LYPLAL1: variants seen among roughly 807,000 people sequenced by gnomAD.
The protein encoded by LYPLAL1 is lysophospholipase-like protein 1.
LYPLAL1 carries 23 observed loss-of-function variants against 19.7 expected under a neutral mutation model. The observed-to-expected ratio is 1.17, with a 90% CI of 0.84 to 1.65. The LOEUF (loss-of-function observed/expected upper bound fraction) is 1.65, where lower values mean the gene tolerates loss of function less well. Among genes scored for constraint, LYPLAL1 ranks in the 40% most tolerant of loss-of-function variants. LYPLAL1 has a pLI of 0.00. For synonymous variants in LYPLAL1, 119 were observed against 96.3 expected (o/e 1.24, Z -1.38); for missense variants, 355 against 279.4 (o/e 1.27, Z -1.93).
At chr1:219,235,851 G>A in the LYPLAL1 span, among the ~76,000 whole-genome samples, 1 of 152,170 alleles carries the variant, frequency 6.6e-6, no homozygotes, top group Non-Finnish European at 1.5e-5. Flanking sequence ...AGTTGACCTT[G>A]TGAAGTTCCA....
chr1:219,243,188 C>A, the LYPLAL1 span, among the ~76,000 whole-genome samples: 1 of 152,010 alleles, frequency 6.6e-6, no homozygotes, highest in Admixed American at 6.6e-5. Context: ...GGTGGCTTTA[C>A]CAACAGAATG....
chr1:219,398,383 A>G, the LYPLAL1 span, among the ~76,000 whole-genome samples: 7 of 152,120 alleles, frequency 4.6e-5, no homozygotes, highest in Admixed American at 3.3e-4. Flanking sequence ...AATTCTTGCC[A>G]TGAGTTTTTT....
At chr1:219,428,364 C>T in the LYPLAL1 span, among the ~76,000 whole-genome samples, 17 of 152,242 alleles carry the variant, frequency 1.1e-4, no homozygotes, top group East Asian at 7.7e-4. Context: ...TTTTCAAAAC[C>T]GAAAGTTTGT....
the LYPLAL1 span, among the ~76,000 whole-genome samples, chr1:219,283,073 T>A: frequency 6.6e-6 from 1 of 152,074 alleles, no homozygotes; most frequent in Non-Finnish European, 1.5e-5. Context: ...CATGATGAAA[T>A]GTTTGGAAAA....
the LYPLAL1 span, among the ~76,000 whole-genome samples, chr1:219,244,991 T>C: frequency 6.6e-6 from 1 of 151,354 alleles, no homozygotes; most frequent in Non-Finnish European, 1.5e-5. Context: ...CTTTTTTCCT[T>C]GCTTCTTTAT....
the LYPLAL1 span, among the ~76,000 whole-genome samples, chr1:219,334,379 C>T: frequency 2.0e-5 from 3 of 151,948 alleles, no homozygotes; most frequent in African/African-American, 7.2e-5. Context: ...TATTTGCCCT[C>T]CCCTAATACT....
the LYPLAL1 span, among the ~76,000 whole-genome samples, chr1:219,362,142 A>G: frequency 6.6e-6 from 1 of 152,154 alleles, no homozygotes; most frequent in Non-Finnish European, 1.5e-5. Context: ...AAAGATGTGA[A>G]ACAACTTGTC....
the LYPLAL1 span, among the ~76,000 whole-genome samples, chr1:219,423,967 A>C: frequency 6.6e-6 from 1 of 150,664 alleles, no homozygotes. Flanking sequence ...ACTATATTAT[A>C]AATGCAGTGT....
At chr1:219,444,225 T>C in the LYPLAL1 span, among the ~76,000 whole-genome samples, 8 of 152,220 alleles carry the variant, frequency 5.3e-5, no homozygotes, top group Admixed American at 1.3e-4. Context: ...ATTTGCATAT[T>C]TACATCAAAC....
the LYPLAL1 span, among the ~76,000 whole-genome samples, chr1:219,384,422 T>C: frequency 6.6e-6 from 1 of 152,242 alleles, no homozygotes; most frequent in Non-Finnish European, 1.5e-5. Flanking sequence ...GATACCTCTG[T>C]TGGCAATCAA....
chr1:219,323,011 T>A, the LYPLAL1 span, among the ~76,000 whole-genome samples: 5 of 152,198 alleles, frequency 3.3e-5, no homozygotes, highest in Non-Finnish European at 5.9e-5. Context: ...TCAAAGATAC[T>A]TGTGAAATCC....
At chr1:219,355,420 A>G in the LYPLAL1 span, among the ~76,000 whole-genome samples, 1 of 152,222 alleles carries the variant, frequency 6.6e-6, no homozygotes, top group African/African-American at 2.4e-5. Flanking sequence ...AGAAGAGATA[A>G]AGTAAATAAA....
the LYPLAL1 span, among the ~76,000 whole-genome samples, chr1:219,393,563 T>C: frequency 2.6e-5 from 4 of 152,150 alleles, no homozygotes; most frequent in African/African-American, 9.7e-5. Context: ...TTAGCCTGGC[T>C]TTGCTTTCTC....
At chr1:219,270,602 A>G in the LYPLAL1 span, among the ~76,000 whole-genome samples, 17 of 152,180 alleles carry the variant, frequency 1.1e-4, no homozygotes, top group African/African-American at 3.1e-4. Flanking sequence ...GGTGACAAAG[A>G]AAAAGGAAGA....
At chr1:219,174,894 A>G (rs1655683685) in intron 1 of LYPLAL1, 1 of 985,412 alleles carries the variant, frequency 1.0e-6, no homozygotes, top group Non-Finnish European at 1.2e-6. Context: ...GAAGATCACA[A>G]GACGGTGCAT....
At chr1:219,269,993 G>C in the LYPLAL1 span, among the ~76,000 whole-genome samples, 1,080 of 152,282 alleles carry the variant, frequency 7.1e-3, 10 homozygotes, top group Non-Finnish European at 0.01. Context: ...ACTTGATTGA[G>C]AGTTCAAGTC....
chr1:219,400,555 G>C, the LYPLAL1 span, among the ~76,000 whole-genome samples: 9 of 151,526 alleles, frequency 5.9e-5, no homozygotes, highest in African/African-American at 2.2e-4. Flanking sequence ...GAATGCAGTG[G>C]AACGATCTCA....
At chr1:219,287,748 G>T in the LYPLAL1 span, among the ~76,000 whole-genome samples, 1 of 152,308 alleles carries the variant, frequency 6.6e-6, no homozygotes, top group African/African-American at 2.4e-5. Flanking sequence ...CCCAAATCTC[G>T]TGTCGAACTG....
chr1:219,369,817 A>T, the LYPLAL1 span, among the ~76,000 whole-genome samples: 1 of 152,222 alleles, frequency 6.6e-6, no homozygotes, highest in African/African-American at 2.4e-5. Context: ...CCAGACTGTG[A>T]TACGAATTAG....
Sources: gnomAD v4.1 joint callset for allele counts (sites outside exome capture counted in the v4.1 genomes callset) on GRCh38, gnomAD v4.1.1 for gene constraint, MANE v1.5 for transcripts, NCBI Gene and HGNC (gene_info 2026-07-23, HGNC 2026-07-21) for gene names.